The following DIP2A variants were observed in gnomAD, a reference collection of about 807,000 sequenced individuals.
DIP2A encodes disco-interacting protein 2 homolog A.
A neutral mutation model predicts 177.4 loss-of-function variants in DIP2A; 85 were observed. The observed-to-expected ratio is 0.48, with a 90% CI of 0.40 to 0.57. DIP2A has a LOEUF of 0.57. Ranked by LOEUF, DIP2A falls within the 20% of genes least tolerant of loss-of-function variation. The probability of loss-of-function intolerance (pLI) is 0.00; values close to 1 mark genes in which losing one functional copy is unlikely to be tolerated. For synonymous variants in DIP2A, 886 were observed against 881.8 expected (o/e 1.00, Z -0.08); for missense variants, 1,791 against 2,100.2 (o/e 0.85, Z 2.88).
At chr21:46,554,786 G>GGGGGGGGGGGGGGGGGCCC in intron 27 of DIP2A, 36 bp from the exon 28 acceptor site, 1 of 1,519,126 alleles carries the variant, frequency 6.6e-7, no homozygotes, top group Non-Finnish European at 8.8e-7. Flanking sequence ...AGCTTGAGAG[G>GGGGGGGGGGGGGGGGGCCC]CCCCGCCCAC....
chr21:46,581,583 G>T, the DIP2A span, among the ~76,000 whole-genome samples: 1 of 152,156 alleles, frequency 6.6e-6, no homozygotes, highest in Admixed American at 6.5e-5. Context: ...ATCTTTGTGA[G>T]CTTGTCTACC....
intron 22 of DIP2A, among the ~76,000 whole-genome samples, chr21:46,550,275 C>G (rs1163688660): frequency 1.3e-5 from 2 of 152,206 alleles, no homozygotes; most frequent in Non-Finnish European, 2.9e-5. Context: ...CCATCATCTC[C>G]TCATTGCCCC....
intron 23 of DIP2A, among the ~76,000 whole-genome samples, chr21:46,551,217 A>G (rs537831012): frequency 3.9e-5 from 6 of 152,188 alleles, no homozygotes; most frequent in East Asian, 3.9e-4. Context: ...CTTTAATGCA[A>G]TTTTTCATTT....
At chr21:46,493,877 A>G (rs1380161093) in intron 3 of DIP2A, among the ~76,000 whole-genome samples, 1 of 152,176 alleles carries the variant, frequency 6.6e-6, no homozygotes, top group East Asian at 1.9e-4. Context: ...CCCTGGACCC[A>G]TAGTCGAGCT....
chr21:46,468,929 A>T (rs2055107252), intron 1 of DIP2A, among the ~76,000 whole-genome samples: 1 of 152,200 alleles, frequency 6.6e-6, no homozygotes. Flanking sequence ...GCTATTCTGT[A>T]CTTGTTTAAT....
At position 46,566,666 on chromosome 21, in the gene DIP2A, C is replaced by G; in HGVS notation, c.4446C>G (p.His1482Gln). 1 of 1,614,206 alleles carries G rather than the reference C, an allele frequency of 6.2e-7. No homozygotes were observed. Among genetic ancestry groups the G allele is most frequent in the Non-Finnish European group, 8.5e-7 (1 of 1,180,026 alleles). Reference sequence around the variant, plus strand: ...TTGAGACCTCTGTCATCCGAGCACACAGGAGCATCGCTGAGTGGTAAGAGC... The same window carrying G: ...TTGAGACCTCTGTCATCCGAGCACAGAGGAGCATCGCTGAGTGGTAAGAGC... Reference protein sequence around the residue: ...IDIETSVIRAHRSIAECAVFT... With the variant: ...IDIETSVIRAQRSIAECAVFT... The change falls in exon 37 of 38, where the codon CAC becomes CAG. Residue 1482 changes from histidine (H) to glutamine (Q), a missense_variant. Coordinates refer to ENST00000417564, the MANE Select transcript of DIP2A (RefSeq NM_015151.4).
In DIP2A at chr21:46,497,004, C is replaced by T. The variant is rs139510335; in HGVS notation, c.300C>T (p.Ala100=). The change falls in exon 4 of 38, where the codon GCC becomes GCT. Residue 100 remains alanine (A), a synonymous_variant. Transcript: ENST00000417564. The part of the protein sequence containing the change: ...ERFRSDVHTE[A]VQAALAKYKE... ...CCTGTGTAGATGTCCACACTGAAGC[C>T]GTGCAAGCAGCTTTGGCCAAATACA... The T allele has an allele frequency of 9.4e-6, 15 of 1,599,924 alleles. No homozygotes were observed. The highest frequency in any genetic ancestry group is 2.2e-5 in the South Asian group (2 of 89,712).
At chr21:46,548,751 G>A (rs1417178046) in intron 21 of DIP2A, among the ~76,000 whole-genome samples, 2 of 151,930 alleles carry the variant, frequency 1.3e-5, no homozygotes, top group Non-Finnish European at 2.9e-5. Flanking sequence ...GTTTAGTGGT[G>A]GTTAGGGATT....
At position 46,504,419 on chromosome 21, in the gene DIP2A, G is replaced by A. The variant is rs1169502751; in HGVS notation, c.714G>A (p.Glu238=). 1 of 1,613,870 alleles carries A rather than the reference G, an allele frequency of 6.2e-7. No individual in the cohort carries two copies. The highest frequency in any genetic ancestry group is 2.2e-5 in the East Asian group (1 of 44,890). Residue 238 remains glutamate, a synonymous_variant, in exon 6 of 38, where the codon GAG becomes GAA. Coordinates refer to ENST00000417564, the MANE Select transcript of DIP2A (RefSeq NM_015151.4). The part of the protein sequence containing the change: ...TTGLVEHSYF[E]RPQVASVRSV... ...GCCTCGTGGAGCATTCGTACTTTGA[G>A]CGTCCACAGGTGGCTTCTGTGAGAA...
chr21:46,544,039 T>A (rs559884877), intron 18 of DIP2A, among the ~76,000 whole-genome samples: 1 of 152,166 alleles, frequency 6.6e-6, no homozygotes, highest in Non-Finnish European at 1.5e-5. Flanking sequence ...ATGGGTTAAT[T>A]GATTGCTAAG....
chr21:46,511,985 A>G (rs2058334691), intron 8 of DIP2A, among the ~76,000 whole-genome samples: 1 of 152,050 alleles, frequency 6.6e-6, no homozygotes, highest in Non-Finnish European at 1.5e-5. Context: ...CATATATACA[A>G]CCTGATGAAT....
chr21:46,554,085 C>T (rs537710761), intron 25 of DIP2A, 84 bp from the exon 26 acceptor site: 91 of 1,502,142 alleles, frequency 6.1e-5, no homozygotes, highest in Middle Eastern at 3.5e-4. Context: ...TGTGCAGTGG[C>T]GTGCAGGTGG....
chr21:46,543,566 G>A (rs111618550), intron 18 of DIP2A, among the ~76,000 whole-genome samples: 2 of 17,856 alleles, frequency 1.1e-4, no homozygotes, highest in Non-Finnish European at 2.3e-4. Context: ...CCCCCAGGTG[G>A]ACCCCTGTTT....
chr21:46,558,194 C>G, intron 31 of DIP2A, 29 bp from the exon 32 acceptor site: 1 of 1,592,152 alleles, frequency 6.3e-7, no homozygotes, highest in South Asian at 1.1e-5. Flanking sequence ...GAGCTGTGGC[C>G]GTGGCCTGAC....
At chr21:46,579,090 GT>G in the DIP2A span, among the ~76,000 whole-genome samples, 1 of 151,746 alleles carries the variant, frequency 6.6e-6, no homozygotes, top group Admixed American at 6.6e-5. Context: ...CTGGTCCTGG[GT>G]TTTTTTTGGT....
chr21:46,539,814 GCCA>G (rs1430941074), intron 16 of DIP2A, 60 bp from the exon 17 acceptor site: 1 of 1,369,022 alleles, frequency 7.3e-7, no homozygotes, highest in Admixed American at 1.7e-5. Context: ...AGCATGTCCA[GCCA>G]CCCCTTCCCT....
Position 46,460,699 on chromosome 21 carries a change from A to AT in DIP2A, c.91+1489dup, listed in dbSNP as rs112784209. On this transcript the variant is annotated intron_variant, in intron 1 of 37. Transcript: ENST00000417564. ...TTAACAATGTTGTGACATGTGGCAC[A>AT]TTTTTTTTTTTTGAGACGGAGTCTT... Among the ~76,000 whole-genome samples, 562 of 145,834 alleles carry AT rather than the reference A, an allele frequency of 3.9e-3. 3 individuals are homozygous for AT. The highest frequency in any genetic ancestry group is 0.012 in the African/African-American group (483 of 40,050).
intron 2 of DIP2A, among the ~76,000 whole-genome samples, chr21:46,485,265 C>T (rs1037181265): frequency 7.3e-5 from 11 of 151,568 alleles, no homozygotes; most frequent in African/African-American, 2.2e-4. Context: ...TGTAACTTAA[C>T]GAGTTAGTTC....
chr21:46,579,010 T>C, the DIP2A span, among the ~76,000 whole-genome samples: 6 of 152,220 alleles, frequency 3.9e-5, no homozygotes, highest in Admixed American at 3.9e-4. Flanking sequence ...TTCTATTGTT[T>C]GGAATAGTTT....
Sources: allele counts gnomAD v4.1 joint callset (sites outside exome capture counted in the v4.1 genomes callset), GRCh38; gene constraint gnomAD v4.1.1; transcripts MANE v1.5; gene names NCBI Gene and HGNC (gene_info 2026-07-23, HGNC 2026-07-21).